ECD: variants seen among roughly 807,000 people sequenced by gnomAD.
ECD encodes the protein ecdysoneless cell cycle regulator, also known as protein ecdysoneless homolog.
ECD carries 59 observed loss-of-function variants against 77.2 expected under a neutral mutation model. The observed-to-expected ratio is 0.76, with a 90% CI of 0.62 to 0.95. The LOEUF is 0.95. Among genes scored for constraint, ECD ranks in the 40% least tolerant of loss-of-function variants. The probability of loss-of-function intolerance (pLI) is 0.00; values close to 1 mark genes in which losing one functional copy is unlikely to be tolerated. For synonymous variants in ECD, 233 were observed against 267.4 expected (o/e 0.87, Z 1.26); for missense variants, 704 against 763.4 (o/e 0.92, Z 0.92).
intron 6 of ECD, among the ~76,000 whole-genome samples, chr10:73,152,760 A>G (rs1361628037): frequency 6.6e-6 from 1 of 151,844 alleles, no homozygotes; most frequent in Non-Finnish European, 1.5e-5. Context: ...AAAAATACAA[A>G]AATAAGCCAG....
rs2133242512 is a variant in ECD, at chr10:73,134,109, A to G, written c.*474T>C. 6.3e-6 allele frequency: 1 copy of G among 157,724 alleles called. No individual in the cohort carries two copies. Among genetic ancestry groups the G allele is most frequent in the Middle Eastern group, 3.4e-3 (1 of 294 alleles). The allele number at this position is 157,724 out of a possible 1,614,324, so 9.8% of individuals were successfully genotyped here. Reference sequence around the variant, plus strand: ...AAGTTCTATATCTTGCTTCAGGTACATACATACATGCAAAAATTCACTGAC... The same window carrying G: ...AAGTTCTATATCTTGCTTCAGGTACGTACATACATGCAAAAATTCACTGAC... On this transcript the variant is annotated 3_prime_UTR_variant, in exon 14 of 14. Transcript: ENST00000372979.
chr10:73,154,277 A>G lies in ECD; in HGVS notation c.762T>C (p.Pro254=). ...RACRVFKTFL[P]ETRIMTSVTF... ...TCACCGATGTCATTATTCGTGTTTC[A>G]GGCAAGAATGTCTTGAAAACACGAC... Residue 254 remains proline, a synonymous_variant, in exon 6 of 14, where the codon CCT becomes CCC. Coordinates refer to ENST00000372979, the MANE Select transcript of ECD (RefSeq NM_007265.3). The G allele has an allele frequency of 6.2e-7, 1 of 1,605,378 alleles. No individual in the cohort carries two copies. The highest frequency in any genetic ancestry group is 8.5e-7 in the Non-Finnish European group (1 of 1,176,040).
chr10:73,150,276 C>T lies in ECD; in HGVS notation c.913-1872G>A, dbSNP rs7901172. The stretch of plus-strand genomic sequence containing the variant: ...CTGACAAAAACAAGAAATGGGGAAA[C>T]GATTCCCTATTTAATAAATGGTGCT... On this transcript the variant is annotated intron_variant, in intron 7 of 13. Coordinates refer to ENST00000372979, the MANE Select transcript of ECD (RefSeq NM_007265.3). 6.6e-5 allele frequency among the ~76,000 whole-genome samples: 10 copies of T among 151,798 alleles called. No homozygotes were observed. In the South Asian group the frequency reaches 1.5e-3, roughly 22 times the overall value.
chr10:73,155,345 C>T (rs1411915447), intron 5 of ECD, among the ~76,000 whole-genome samples: 6 of 151,796 alleles, frequency 4.0e-5, no homozygotes, highest in South Asian at 2.1e-4. Context: ...GGATTACAGG[C>T]GTGAGCCACC....
intron 8 of ECD, 144 bp from the exon 9 acceptor site, chr10:73,146,505 T>C: frequency 4.6e-6 from 2 of 436,934 alleles, no homozygotes; most frequent in Non-Finnish European, 8.2e-6. Context: ...GTTTTATCAT[T>C]AATGGGCCTG....
rs139627042 is a variant in ECD, at chr10:73,139,653, T to C, written c.1212A>G (p.Ala404=). Residue 404 remains alanine, a synonymous_variant, in exon 10 of 14, where the codon GCA becomes GCG. Transcript: ENST00000372979. ...PFDIEDLKKE[A]ANLPPEDDDQ... Reference sequence around the variant, plus strand: ...TACCATCCTCTGGGGGAAGATTAGCTGCTTCTTTCTTAAGGTCTTCTATAT... The same window carrying C: ...TACCATCCTCTGGGGGAAGATTAGCCGCTTCTTTCTTAAGGTCTTCTATAT... The C allele has an allele frequency of 2.9e-5, 46 of 1,611,074 alleles. No individual in the cohort carries two copies. The highest frequency in any genetic ancestry group is 4.2e-6 in the Non-Finnish European group (5 of 1,179,198).
intron 6 of ECD, among the ~76,000 whole-genome samples, chr10:73,153,218 G>A (rs779295717): frequency 1.3e-5 from 2 of 151,656 alleles, no homozygotes; most frequent in African/African-American, 2.4e-5. Flanking sequence ...CTCAGCCTCC[G>A]AAGTAGCGGG....
chr10:73,138,560 G>GT (rs891826916), intron 11 of ECD, among the ~76,000 whole-genome samples: 7 of 151,564 alleles, frequency 4.6e-5, no homozygotes, highest in East Asian at 1.9e-4. Flanking sequence ...ACAAGTAACA[G>GT]TTTTTTTTGT....
chr10:73,159,525 G>C (rs1284257986), intron 3 of ECD, among the ~76,000 whole-genome samples: 1 of 151,826 alleles, frequency 6.6e-6, no homozygotes, highest in African/African-American at 2.4e-5. Context: ...TGTATCTTTT[G>C]AATTTTGTTT....
chr10:73,163,657 C>T (rs997121647), intron 2 of ECD, 76 bp downstream of exon 2: 13 of 1,402,584 alleles, frequency 9.3e-6, no homozygotes, highest in African/African-American at 4.3e-5. Context: ...CTGAATGAAG[C>T]GTGGACTATT....
At chr10:73,137,862 T>C in intron 12 of ECD, 141 bp downstream of exon 12, 1 of 519,330 alleles carries the variant, frequency 1.9e-6, no homozygotes, top group Middle Eastern at 3.0e-4. Flanking sequence ...TCATGGGTAG[T>C]AATTCATGGT....
At chr10:73,142,160 A>G in intron 9 of ECD, among the ~76,000 whole-genome samples, 1 of 151,672 alleles carries the variant, frequency 6.6e-6, no homozygotes, top group East Asian at 2.0e-4. Flanking sequence ...GGTGCCCACC[A>G]CCTCATCCGG....
chr10:73,136,979 A>ATTT, intron 12 of ECD, 61 bp from the exon 13 acceptor site: 1 of 862,868 alleles, frequency 1.2e-6, no homozygotes, highest in Non-Finnish European at 1.5e-6. Flanking sequence ...TATTATTATT[A>ATTT]TTATTATTTA....
intron 1 of ECD, among the ~76,000 whole-genome samples, chr10:73,166,290 G>A (rs1843460762): frequency 1.3e-5 from 2 of 152,164 alleles, no homozygotes; most frequent in Admixed American, 1.3e-4. Context: ...AAACATGGGA[G>A]TGCAGATATC....
Position 73,165,937 on chromosome 10 carries a change from C to T in ECD, c.-14+1929G>A, listed in dbSNP as rs1843452582. 2.0e-5 allele frequency among the ~76,000 whole-genome samples: 3 copies of T among 151,756 alleles called. No homozygotes were observed. The South Asian group carries it at 6.2e-4, about 32-fold the overall frequency. On this transcript the variant is annotated intron_variant, in intron 1 of 13. Coordinates refer to ENST00000372979, the MANE Select transcript of ECD (RefSeq NM_007265.3). ...TTTCATTCACTCTATTTTTTTTGTA[C>T]CCTTTAACCATACTCCCCCACAAAC...
At chr10:73,143,587 G>C (rs1382765556) in intron 9 of ECD, among the ~76,000 whole-genome samples, 4 of 151,580 alleles carry the variant, frequency 2.6e-5, no homozygotes, top group Non-Finnish European at 5.9e-5. Flanking sequence ...ATATTTATAG[G>C]GTATATGAGA....
At chr10:73,150,365 A>C (rs1195876954) in intron 7 of ECD, among the ~76,000 whole-genome samples, 1 of 152,216 alleles carries the variant, frequency 6.6e-6, no homozygotes, top group Non-Finnish European at 1.5e-5. Flanking sequence ...CCTTATACAA[A>C]AATTAATTCA....
intron 9 of ECD, 110 bp from the exon 10 acceptor site, chr10:73,139,847 G>GTTTTTT (rs199551005): frequency 4.0e-6 from 2 of 500,656 alleles, no homozygotes. Flanking sequence ...AATTTGGGGA[G>GTTTTTT]TGTTTTTTTT....
chr10:73,161,366 A>G (rs1843375840), intron 2 of ECD, among the ~76,000 whole-genome samples: 1 of 152,178 alleles, frequency 6.6e-6, no homozygotes, highest in African/African-American at 2.4e-5. Context: ...ATCGGAAATG[A>G]AAGAGGGGAC....
Sources: gnomAD v4.1 joint callset for allele counts (sites outside exome capture counted in the v4.1 genomes callset) on GRCh38, gnomAD v4.1.1 for gene constraint, MANE v1.5 for transcripts, NCBI Gene and HGNC (gene_info 2026-07-23, HGNC 2026-07-21) for gene names.